DNA2: variants seen among roughly 807,000 people sequenced by gnomAD.
The protein encoded by DNA2 is DNA replication helicase/nuclease 2.
In DNA2, 101 loss-of-function variants were observed where a neutral mutation model predicts 119.1. The observed-to-expected ratio is 0.85, with a 90% CI of 0.72 to 1.00. The LOEUF (loss-of-function observed/expected upper bound fraction) is 1.00. Ranked by LOEUF, DNA2 falls within the 50% of genes least tolerant of loss-of-function variation. DNA2 has a pLI of 0.00. For synonymous variants in DNA2, 366 were observed against 424.4 expected, an observed-to-expected ratio of 0.86 and a Z score of 1.69; for missense variants, 1,121 against 1,255.5, an observed-to-expected ratio of 0.89 and a Z score of 1.62.
intron 10 of DNA2, among the ~76,000 whole-genome samples, chr10:68,436,300 A>C (rs2051887772): frequency 6.6e-6 from 1 of 152,228 alleles, no homozygotes; most frequent in Non-Finnish European, 1.5e-5. Context: ...CATTAGGCTA[A>C]GTGAAAGAAG....
chr10:68,461,310 T>C (rs543875525), intron 4 of DNA2: 21 of 152,288 alleles, frequency 1.4e-4, no homozygotes, highest in African/African-American at 5.1e-4. Flanking sequence ...GTACATGACA[T>C]AAAACATAGA....
Position 68,415,099 on chromosome 10 carries a change from A to G in DNA2, c.3123T>C (p.Asp1041=). Residue 1041 remains aspartate, a synonymous_variant, in exon 21 of 21, where the codon GAT becomes GAC. Coordinates refer to ENST00000358410, the MANE Select transcript of DNA2 (RefSeq NM_001080449.3). ...NHLNSEKLII[D]LPSREHESLC... is the part of the protein sequence containing the mutation. The stretch of plus-strand genomic sequence containing the variant: ...GACTTTCATGTTCTCTTGATGGAAG[A>G]TCAATGATGTAAAATAAATTAAGGA... 6.4e-7 allele frequency: 1 copy of G among 1,561,814 alleles called. No homozygotes were observed. The highest frequency in any genetic ancestry group is 1.3e-5 in the African/African-American group (1 of 74,102).
At chr10:68,442,824 G>T in intron 9 of DNA2, 93 bp downstream of exon 9, 2 of 1,046,198 alleles carry the variant, frequency 1.9e-6, no homozygotes, top group East Asian at 2.5e-5. Context: ...TCTATAACAT[G>T]CTTCATAACT....
At chr10:68,458,168 G>A (rs1255410699) in intron 5 of DNA2, among the ~76,000 whole-genome samples, 4 of 150,316 alleles carry the variant, frequency 2.7e-5, no homozygotes, top group African/African-American at 4.9e-5. Flanking sequence ...ATGAGACTCC[G>A]TCTCAAAAAA....
At chr10:68,448,522 G>C (rs1011039831) in intron 6 of DNA2, among the ~76,000 whole-genome samples, 1 of 152,000 alleles carries the variant, frequency 6.6e-6, no homozygotes. Context: ...TCAATGTCTT[G>C]TCTCGTGCAT....
chr10:68,443,132 T>A, intron 8 of DNA2, 21 bp from the exon 9 acceptor site: 1 of 1,537,030 alleles, frequency 6.5e-7, no homozygotes. Flanking sequence ...AGTTCCAAGT[T>A]AGAGATGCTT....
intron 4 of DNA2, among the ~76,000 whole-genome samples, chr10:68,460,704 G>A (rs559098487): frequency 6.6e-6 from 1 of 152,134 alleles, no homozygotes; most frequent in Admixed American, 6.6e-5. Flanking sequence ...CATTGCACCT[G>A]GCCTAACACG....
At chr10:68,439,423 G>A (rs1271819481) in intron 9 of DNA2, among the ~76,000 whole-genome samples, 4 of 151,980 alleles carry the variant, frequency 2.6e-5, no homozygotes, top group African/African-American at 4.8e-5. Flanking sequence ...TTTTGAGGCC[G>A]GGTGCAGGGG....
In DNA2 at chr10:68,430,515, T is replaced by C. The variant is rs775551336; in HGVS notation, c.2129A>G (p.Gln710Arg). The C allele has an allele frequency of 1.2e-6, 2 of 1,611,946 alleles. No individual in the cohort carries two copies. The highest frequency in any genetic ancestry group is 2.2e-5 in the East Asian group (1 of 44,864). The change falls in exon 14 of 21, where the codon CAG becomes CGG. Residue 710 changes from glutamine to arginine, a missense_variant. Physicochemically the swap from Gln to Arg is conservative, Grantham distance 43. Transcript: ENST00000358410. ...GQIQKVHPAI[Q>R]QFTEQEICRS... is the part of the protein sequence containing the mutation. ...GCAAATTTCTTGCTCTGTAAATTGCTGGATAGCTGGATGAACCTTCTGAAT... is the reference window on the plus strand; with the variant it reads ...GCAAATTTCTTGCTCTGTAAATTGCCGGATAGCTGGATGAACCTTCTGAAT...
intron 14 of DNA2, among the ~76,000 whole-genome samples, chr10:68,429,409 T>C (rs917225407): frequency 4.6e-5 from 7 of 151,880 alleles, no homozygotes; most frequent in African/African-American, 1.5e-4. Flanking sequence ...CAGGACGTGG[T>C]CAGGCATGCC....
At chr10:68,426,619 A>G (rs915222234) in intron 14 of DNA2, among the ~76,000 whole-genome samples, 1 of 150,796 alleles carries the variant, frequency 6.6e-6, no homozygotes, top group Admixed American at 6.6e-5. Context: ...GCAGATCACA[A>G]GGTCAGGAGA....
At chr10:68,437,790 C>G (rs1024671031) in intron 9 of DNA2, among the ~76,000 whole-genome samples, 1 of 152,026 alleles carries the variant, frequency 6.6e-6, no homozygotes. Context: ...TTGAGACACC[C>G]TCCGACCCCC....
At chr10:68,428,513 C>A (rs1379475071) in intron 14 of DNA2, among the ~76,000 whole-genome samples, 1 of 152,094 alleles carries the variant, frequency 6.6e-6, no homozygotes, top group Non-Finnish European at 1.5e-5. Flanking sequence ...ACGCAAAAAC[C>A]TGTAACATGA....
At position 68,414,997 on chromosome 10, in the gene DNA2, G is replaced by T; in HGVS notation, c.*42C>A. On this transcript the variant is annotated 3_prime_UTR_variant, in exon 21 of 21. Coordinates refer to ENST00000358410, the MANE Select transcript of DNA2 (RefSeq NM_001080449.3). ...ATTTTCTGTATGGGCACTAGCTAGAGGAGATACTGCCCTAGTATGAAAAGG... is the reference window on the plus strand; with the variant it reads ...ATTTTCTGTATGGGCACTAGCTAGATGAGATACTGCCCTAGTATGAAAAGG... The T allele has an allele frequency of 7.8e-7, 1 of 1,278,654 alleles. No homozygotes were observed. The allele number at this position is 1,278,654 out of a possible 1,614,324, so 79.2% of individuals were successfully genotyped here.
chr10:68,452,484 T>C (rs2052131970), intron 5 of DNA2, among the ~76,000 whole-genome samples: 1 of 152,212 alleles, frequency 6.6e-6, no homozygotes, highest in Non-Finnish European at 1.5e-5. Context: ...AAATGTCACA[T>C]GTATACCTAA....
Position 68,465,777 on chromosome 10 carries a change from A to G in DNA2, c.477T>C (p.Gly159=). 6.3e-7 allele frequency: 1 copy of G among 1,599,226 alleles called. No individual in the cohort carries two copies. The highest frequency in any genetic ancestry group is 1.1e-5 in the South Asian group (1 of 87,562). Residue 159 remains glycine, a synonymous_variant, in exon 4 of 21, where the codon GGT becomes GGC. Transcript: ENST00000358410. ...TTTGAAACACCTCATGGAGAACCGT[A>G]CCAATTAGCATTTGGCGTGTGGCTG... The part of the protein sequence containing the change: ...SDPATRQMLI[G]TVLHEVFQKA...
chr10:68,445,436 C>A (rs2052026011), intron 7 of DNA2, among the ~76,000 whole-genome samples: 1 of 151,894 alleles, frequency 6.6e-6, no homozygotes, highest in Non-Finnish European at 1.5e-5. Flanking sequence ...GCACTCCAGC[C>A]TGGGTAACAA....
At chr10:68,429,677 A>AAC (rs2051790636) in intron 14 of DNA2, among the ~76,000 whole-genome samples, 1 of 117,236 alleles carries the variant, frequency 8.5e-6, no homozygotes. Context: ...GCGCCACTGC[A>AAC]CTCCAGCCTG....
chr10:68,458,720 C>T (rs1049537111), intron 5 of DNA2, among the ~76,000 whole-genome samples: 3 of 151,558 alleles, frequency 2.0e-5, no homozygotes, highest in East Asian at 1.9e-4. Context: ...TGGTGGCAGG[C>T]GCCTGTAATC....
Sources: gnomAD v4.1 joint callset for allele counts (sites outside exome capture counted in the v4.1 genomes callset) on GRCh38, gnomAD v4.1.1 for gene constraint, MANE v1.5 for transcripts, NCBI Gene and HGNC (gene_info 2026-07-23, HGNC 2026-07-21) for gene names.